The following CORO2B variants were observed in gnomAD, a reference collection of about 807,000 sequenced individuals.
CORO2B encodes the protein coronin 2B.
A neutral mutation model predicts 58.8 loss-of-function variants in CORO2B; 26 were observed. The ratio of observed to expected loss-of-function variants is 0.44; its 90% CI spans 0.32 to 0.61. The LOEUF is 0.61. CORO2B is among the 20% of genes least tolerant of loss of function. The pLI is 0.04. For synonymous variants in CORO2B, 242 were observed against 253.8 expected (o/e 0.95, Z 0.44); for missense variants, 460 against 645.1 (o/e 0.71, Z 3.11).
In CORO2B at chr15:68,645,106, GC is replaced by G; in HGVS notation, c.16-51del. The G allele has an allele frequency of 6.3e-7, 1 of 1,577,408 alleles. No homozygotes were observed. The stretch of plus-strand genomic sequence containing the variant: ...TCCCTCCCCCAAGAGCCCAGCCGAG[GC>G]CCTTCATGGCACAGGGCCCAGCCTG... On this transcript the variant is annotated intron_variant, in intron 1 of 11. Coordinates refer to ENST00000261861, the MANE Select transcript of CORO2B (RefSeq NM_006091.5). The surrounding 1 kb of genome is among the most constrained non-coding windows in gnomAD (Gnocchi z 4.5).
chr15:68,575,923 G>T (rs1252018770), upstream of CORO2B, among the ~76,000 whole-genome samples: 1 of 151,532 alleles, frequency 6.6e-6, no homozygotes, highest in African/African-American at 2.4e-5. Context: ...GGGAGGCCGA[G>T]GCGGGCAGGT....
the CORO2B span, among the ~76,000 whole-genome samples, chr15:68,551,565 C>T: frequency 6.6e-6 from 1 of 152,134 alleles, no homozygotes; most frequent in African/African-American, 2.4e-5. Flanking sequence ...TGGCCCTAAC[C>T]AACCACCTTA....
At chr15:68,618,206 C>T (rs1322203428) in intron 1 of CORO2B, among the ~76,000 whole-genome samples, 1 of 152,122 alleles carries the variant, frequency 6.6e-6, no homozygotes, top group Non-Finnish European at 1.5e-5. Context: ...ACTCTATTTT[C>T]TAGTCTTTTC....
intron 1 of CORO2B, among the ~76,000 whole-genome samples, chr15:68,580,836 CTT>C (rs908770573): frequency 1.3e-5 from 2 of 152,240 alleles, no homozygotes; most frequent in Admixed American, 1.3e-4. Context: ...CCCTGTGTCT[CTT>C]TTTGTGCGCG....
the CORO2B span, among the ~76,000 whole-genome samples, chr15:68,544,790 T>C: frequency 6.6e-6 from 1 of 151,258 alleles, no homozygotes; most frequent in Non-Finnish European, 1.5e-5. Context: ...TTTTTTTTTT[T>C]TTTTGAGATG....
chr15:68,595,667 C>G (rs527676272), intron 1 of CORO2B, among the ~76,000 whole-genome samples: 2 of 152,284 alleles, frequency 1.3e-5, no homozygotes, highest in East Asian at 3.9e-4. Flanking sequence ...CTAGACCAAT[C>G]CAAATCTTAA....
chr15:68,616,593 G>A (rs1033328585), intron 1 of CORO2B: 3 of 985,324 alleles, frequency 3.0e-6, no homozygotes, highest in Admixed American at 6.1e-5. Flanking sequence ...TCCAGGCCGC[G>A]GTCGAATGAT....
intron 3 of CORO2B, among the ~76,000 whole-genome samples, chr15:68,702,390 A>T (rs548061283): frequency 6.6e-6 from 1 of 152,288 alleles, no homozygotes; most frequent in African/African-American, 2.4e-5. Context: ...CAGGACTCAC[A>T]GCAGTAGATG....
At chr15:68,689,489 G>A (rs1892303069) in intron 2 of CORO2B, among the ~76,000 whole-genome samples, 1 of 152,174 alleles carries the variant, frequency 6.6e-6, no homozygotes. Flanking sequence ...GATTATATTT[G>A]TAAATCAATA....
At chr15:68,632,290 A>C (rs1406268482) in intron 1 of CORO2B, 3 of 985,350 alleles carry the variant, frequency 3.0e-6, no homozygotes, top group Middle Eastern at 5.2e-4. Flanking sequence ...CAAAGAAGAT[A>C]CAAGTTTGTT....
At chr15:68,624,615 C>T (rs1900625540) in intron 1 of CORO2B, among the ~76,000 whole-genome samples, 1 of 151,726 alleles carries the variant, frequency 6.6e-6, no homozygotes, top group African/African-American at 2.4e-5. Flanking sequence ...CCAAGAGTTC[C>T]TGGGGTCCAT....
At chr15:68,530,472 G>A in the CORO2B span, among the ~76,000 whole-genome samples, 1 of 151,954 alleles carries the variant, frequency 6.6e-6, no homozygotes. Context: ...TCAAGAAATG[G>A]CAATTAGATC....
rs756020831 is a variant in CORO2B at position 68,645,185 on chromosome 15, G to C, written c.41G>C (p.Ser14Thr). 6.2e-7 allele frequency: 1 copy of C among 1,614,064 alleles called. No individual in the cohort carries two copies. The highest frequency in any genetic ancestry group is 1.3e-5 in the African/African-American group (1 of 74,926). ...ATGTCCTGGCGTCCGCAATACCGTA[G>C]CTCCAAGTTCCGGAATGTCTACGGG... ...TKMSWRPQYR[S>T]SKFRNVYGKV... Residue 14 changes from serine (S) to threonine (T), a missense_variant, in exon 2 of 12, where the codon AGC becomes ACC. Physicochemically the swap from Ser to Thr is moderately conservative, Grantham distance 58. This residue lies in a region of CORO2B where 352 missense variants were observed against 543.0 expected (regional missense o/e 0.65). Transcript: ENST00000261861. The surrounding 1 kb of genome is among the most constrained non-coding windows in gnomAD (Gnocchi z 4.5).
At chr15:68,537,050 T>C in the CORO2B span, among the ~76,000 whole-genome samples, 1 of 152,234 alleles carries the variant, frequency 6.6e-6, no homozygotes, top group African/African-American at 2.4e-5. Flanking sequence ...GAAGCACTTT[T>C]ATTTTGGATT....
chr15:68,534,891 T>A, the CORO2B span, among the ~76,000 whole-genome samples: 3 of 152,156 alleles, frequency 2.0e-5, no homozygotes, highest in Admixed American at 6.5e-5. Flanking sequence ...AAAGAGAGAA[T>A]GAGAACCATG....
chr15:68,582,109 A>G (rs1260143008), intron 1 of CORO2B, among the ~76,000 whole-genome samples: 2 of 152,108 alleles, frequency 1.3e-5, no homozygotes, highest in African/African-American at 2.4e-5. Flanking sequence ...TCTTTCATAC[A>G]TCCCCTTGCC....
chr15:68,686,303 T>G (rs2140306462), intron 2 of CORO2B, among the ~76,000 whole-genome samples: 1 of 152,194 alleles, frequency 6.6e-6, no homozygotes, highest in African/African-American at 2.4e-5. Context: ...CCCAAAGTGC[T>G]GGGATTACAG....
chr15:68,657,568 T>C (rs1185783150), intron 2 of CORO2B, among the ~76,000 whole-genome samples: 1 of 150,096 alleles, frequency 6.7e-6, no homozygotes, highest in African/African-American at 2.4e-5. Flanking sequence ...TATACCAGAA[T>C]TGTGCTGTAA....
the CORO2B span, among the ~76,000 whole-genome samples, chr15:68,569,707 AT>A: frequency 1.3e-5 from 2 of 152,232 alleles, no homozygotes; most frequent in African/African-American, 4.8e-5. Flanking sequence ...TTTGTAAGAA[AT>A]TGCCACAGGG....
Sources: allele counts gnomAD v4.1 joint callset (sites outside exome capture counted in the v4.1 genomes callset), GRCh38; gene constraint gnomAD v4.1.1; regional missense constraint gnomAD v4.1.1; non-coding constraint Gnocchi (gnomAD v3.1); transcripts MANE v1.5; gene names NCBI Gene and HGNC (gene_info 2026-07-23, HGNC 2026-07-21).